The following ADAM17 variants were observed in gnomAD, a reference collection of about 807,000 sequenced individuals.
The protein encoded by ADAM17 is ADAM metallopeptidase domain 17.
A neutral mutation model predicts 96.7 loss-of-function variants in ADAM17; 39 were observed. That is an observed-to-expected ratio of 0.40 (90% CI 0.31 to 0.53). The LOEUF is 0.53. Ranked by LOEUF, ADAM17 falls within the 20% of genes least tolerant of loss-of-function variation. The pLI is 0.44. For missense variants in ADAM17, 777 were observed against 1,013.2 expected (o/e 0.77, Z 3.17); for synonymous variants, 344 against 359.2 (o/e 0.96, Z 0.48).
At chr2:9,521,381 C>A (rs1309432095) in intron 7 of ADAM17, 65 bp from the exon 8 acceptor site, 1 of 1,112,078 alleles carries the variant, frequency 9.0e-7, no homozygotes, top group South Asian at 1.5e-5. Context: ...CTGAATACTG[C>A]ATTATTTTAT....
chr2:9,515,735 CAAAAAAAA>C (rs56888068), intron 10 of ADAM17, among the ~76,000 whole-genome samples: 29 of 118,082 alleles, frequency 2.5e-4, no homozygotes, highest in South Asian at 2.0e-3. Context: ...ACTCCGTCTC[CAAAAAAAA>C]AAAAAAAAGA....
chr2:9,502,054 A>T, intron 13 of ADAM17, 119 bp downstream of exon 13: 1 of 884,928 alleles, frequency 1.1e-6, no homozygotes, highest in Non-Finnish European at 1.8e-6. Flanking sequence ...CAGAAACTCA[A>T]CCCGGCATAT....
At chr2:9,538,320 G>A (rs1021884833) in intron 2 of ADAM17, among the ~76,000 whole-genome samples, 10 of 152,222 alleles carry the variant, frequency 6.6e-5, no homozygotes, top group Middle Eastern at 3.4e-3. Flanking sequence ...TTAAACTACC[G>A]GAAAGAAATC....
chr2:9,498,208 T>C, intron 13 of ADAM17, among the ~76,000 whole-genome samples: 1 of 152,124 alleles, frequency 6.6e-6, no homozygotes, highest in Non-Finnish European at 1.5e-5. Flanking sequence ...TTTCTTTCTT[T>C]TTTTTTGAGA....
At chr2:9,525,928 ATGGG>A (rs1240921942) in intron 6 of ADAM17, among the ~76,000 whole-genome samples, 179 bp downstream of exon 6, 8 of 152,224 alleles carry the variant, frequency 5.3e-5, no homozygotes, top group Admixed American at 1.3e-4. Flanking sequence ...CAAGGGTAAA[ATGGG>A]TTGTCACAAA....
intron 4 of ADAM17, among the ~76,000 whole-genome samples, chr2:9,535,571 G>A (rs1664928154): frequency 6.6e-6 from 1 of 152,132 alleles, no homozygotes; most frequent in Non-Finnish European, 1.5e-5. Flanking sequence ...TAAAAAATGA[G>A]TCAGGAGGGA....
In ADAM17 at chr2:9,539,110, ATT is replaced by A. The variant is rs748536711; in HGVS notation, c.231-2284_231-2283del. 1.8e-3 allele frequency among the ~76,000 whole-genome samples: 261 copies of A among 144,402 alleles called. 2 individuals carry two copies. Among genetic ancestry groups the A allele is most frequent in the African/African-American group, 6.4e-3 (251 of 39,454 alleles). The allele number at this position is 144,402 out of a possible 152,430, so 94.7% of individuals were successfully genotyped here. A position where few individuals can be genotyped will look rare whatever the true frequency, so the allele number is the denominator to read the frequency against. ...TATTTAAAAATAAGATAATTTCTTG[ATT>A]TTTTTTTTTTTTTGAGACGGAGTCT... On this transcript the variant is annotated intron_variant, in intron 2 of 18. Coordinates refer to ENST00000310823, the MANE Select transcript of ADAM17 (RefSeq NM_003183.6).
intron 1 of ADAM17, among the ~76,000 whole-genome samples, chr2:9,548,356 T>C (rs779061685): frequency 2.0e-4 from 30 of 151,812 alleles, no homozygotes; most frequent in Admixed American, 1.4e-3. Flanking sequence ...GAAATTTCAT[T>C]ATGACTGCAG....
chr2:9,491,210 A>G lies in ADAM17; in HGVS notation c.2083-59T>C, dbSNP rs1284985030. Reference sequence around the variant, plus strand: ...AAATACAATTCAGTTAGTGAGTACTATTTCATCACAGGCTATTCCTAACAC... The same window carrying G: ...AAATACAATTCAGTTAGTGAGTACTGTTTCATCACAGGCTATTCCTAACAC... On this transcript the variant is annotated intron_variant, in intron 17 of 18. Coordinates refer to ENST00000310823, the MANE Select transcript of ADAM17 (RefSeq NM_003183.6). 3.7e-5 allele frequency: 56 copies of G among 1,497,934 alleles called. No individual in the cohort carries two copies. The Admixed American group carries it at 9.5e-4, about 26-fold the overall frequency. The allele number at this position is 1,497,934 out of a possible 1,614,324, so 92.8% of individuals were successfully genotyped here. A position where few individuals can be genotyped will look rare whatever the true frequency, so the allele number is the denominator to read the frequency against.
chr2:9,554,419 T>C (rs560614399), intron 1 of ADAM17, among the ~76,000 whole-genome samples: 1 of 152,298 alleles, frequency 6.6e-6, no homozygotes, highest in East Asian at 1.9e-4. Context: ...TCACTTGTAA[T>C]CCATTTCAAT....
chr2:9,489,622 AT>A lies in ADAM17; in HGVS notation c.*554del, dbSNP rs1156496069. 6.6e-6 allele frequency: 1 copy of A among 151,158 alleles called. No homozygotes were observed. Among genetic ancestry groups the A allele is most frequent in the African/African-American group, 2.5e-5 (1 of 40,816 alleles). 9.4% of individuals were successfully genotyped at this position (151,158 alleles called of 1,614,324 possible). A position where few individuals can be genotyped will look rare whatever the true frequency, so the allele number is the denominator to read the frequency against. On this transcript the variant is annotated 3_prime_UTR_variant, in exon 19 of 19. Coordinates refer to ENST00000310823, the MANE Select transcript of ADAM17 (RefSeq NM_003183.6). ...CCAAATGATTTCTAAATTTAGATATATATTTTCCCTGCTACATAAAAACTCT... is the reference window on the plus strand; with the variant it reads ...CCAAATGATTTCTAAATTTAGATATAATTTTCCCTGCTACATAAAAACTCT...
rs1172136381 is a variant in ADAM17, at chr2:9,535,879, A to G, written c.405T>C (p.Asp135=). 2 of 1,606,548 alleles carry G rather than the reference A, an allele frequency of 1.2e-6. No homozygotes were observed. The highest frequency in any genetic ancestry group is 1.1e-5 in the South Asian group (1 of 89,642). The change falls in exon 4 of 19, where the codon GAT becomes GAC. Residue 135 remains aspartate, a synonymous_variant. Transcript: ENST00000310823. ...SRVLAHIRDD[D]VIIRINTDGA... ...CATCTGTGTTGATTCTGATTATAAC[A>G]TCATCATCTCTTATGTGGGCTAGAA...
intron 10 of ADAM17, among the ~76,000 whole-genome samples, chr2:9,510,663 CAA>C (rs57462514): frequency 3.9e-4 from 33 of 84,754 alleles, no homozygotes; most frequent in African/African-American, 2.8e-4. Context: ...GACTTCGTCT[CAA>C]AAAAAAAAAA....
In ADAM17 at chr2:9,517,914, G is replaced by A. The variant is rs1421904254; in HGVS notation, c.1178C>T (p.Thr393Ile). ...GLTSTKNYGK[T>I]ILTKEADLVT... ...AAAAGAACATACCTTTGTAAGGATGGTTTTACCATAATTCTTTGTGCTCGT... is the reference window on the plus strand; with the variant it reads ...AAAAGAACATACCTTTGTAAGGATGATTTTACCATAATTCTTTGTGCTCGT... Residue 393 changes from threonine to isoleucine, a missense_variant, in exon 10 of 19, where the codon ACC becomes ATC. Thr to Ile is a moderately conservative substitution (Grantham distance 89). Transcript: ENST00000310823. 3.1e-6 allele frequency: 5 copies of A among 1,594,316 alleles called. No individual in the cohort carries two copies. The highest frequency in any genetic ancestry group is 3.5e-5 in the Admixed American group (2 of 56,340).
intron 10 of ADAM17, among the ~76,000 whole-genome samples, chr2:9,514,793 TGAACCCAGGAGACA>T (rs1317636961): frequency 6.6e-6 from 1 of 151,354 alleles, no homozygotes; most frequent in African/African-American, 2.4e-5. Context: ...GAGAATGGCA[TGAACCCAGGAGACA>T]GAGCTTGCAG....
At chr2:9,498,110 G>A (rs1169401297) in intron 13 of ADAM17, among the ~76,000 whole-genome samples, 1 of 152,146 alleles carries the variant, frequency 6.6e-6, no homozygotes, top group Non-Finnish European at 1.5e-5. Flanking sequence ...GCTTACTGCA[G>A]CCTCAAACTC....
chr2:9,529,919 G>T (rs773492631), intron 4 of ADAM17, among the ~76,000 whole-genome samples: 2 of 150,884 alleles, frequency 1.3e-5, no homozygotes, highest in African/African-American at 4.9e-5. Flanking sequence ...TGCAGTGATC[G>T]TGCCACTGCA....
At chr2:9,498,482 C>A (rs1399254951) in intron 13 of ADAM17, among the ~76,000 whole-genome samples, 1 of 152,206 alleles carries the variant, frequency 6.6e-6, no homozygotes, top group Non-Finnish European at 1.5e-5. Context: ...AAGCAATGGA[C>A]TATATATCCA....
intron 4 of ADAM17, among the ~76,000 whole-genome samples, chr2:9,533,767 T>C (rs1451246315): frequency 2.0e-5 from 3 of 152,198 alleles, no homozygotes; most frequent in African/African-American, 4.8e-5. Flanking sequence ...TATAATTCTC[T>C]AGCTCTGTTT....
Sources: allele counts gnomAD v4.1 joint callset (sites outside exome capture counted in the v4.1 genomes callset), GRCh38; gene constraint gnomAD v4.1.1; transcripts MANE v1.5; gene names NCBI Gene and HGNC (gene_info 2026-07-23, HGNC 2026-07-21).